PPA2: variants seen among roughly 807,000 people sequenced by gnomAD.
The protein encoded by PPA2 is inorganic pyrophosphatase 2.
In PPA2, 48 loss-of-function variants were observed where a neutral mutation model predicts 49.5. That is an observed-to-expected ratio of 0.97 (90% CI 0.77 to 1.23). The LOEUF is 1.23. Ranked by LOEUF, PPA2 falls within the 50% of genes most tolerant of loss-of-function variation. The pLI is 0.00. For missense variants in PPA2, 429 were observed against 410.1 expected, an observed-to-expected ratio of 1.05 and a Z score of -0.40; for synonymous variants, 131 against 139.9, an observed-to-expected ratio of 0.94 and a Z score of 0.45.
chr4:105,473,575 G>A (rs771324616), intron 1 of PPA2: 5 of 549,518 alleles, frequency 9.1e-6, no homozygotes, highest in East Asian at 4.2e-5. Flanking sequence ...GCAGGCCGCC[G>A]CGGGGTGGCC....
intron 1 of PPA2, among the ~76,000 whole-genome samples, chr4:105,457,291 T>C (rs755538932): frequency 1.3e-5 from 2 of 152,212 alleles, no homozygotes; most frequent in Non-Finnish European, 2.9e-5. Flanking sequence ...GAAACTATCT[T>C]ACCTTAAAAG....
intron 9 of PPA2, 51 bp from the exon 10 acceptor site, chr4:105,386,687 T>G: frequency 6.5e-7 from 1 of 1,531,488 alleles, no homozygotes; most frequent in Non-Finnish European, 9.0e-7. Context: ...AAGAAACAAT[T>G]ACCAAAAAAA....
chr4:105,441,293 A>T (rs1263203534), intron 5 of PPA2, among the ~76,000 whole-genome samples: 2 of 152,212 alleles, frequency 1.3e-5, no homozygotes, highest in Non-Finnish European at 2.9e-5. Flanking sequence ...GGTTGAAGAT[A>T]TGAACAGGTA....
intron 7 of PPA2, among the ~76,000 whole-genome samples, chr4:105,414,474 G>A (rs1006486715): frequency 2.6e-5 from 4 of 152,256 alleles, no homozygotes; most frequent in African/African-American, 9.6e-5. Context: ...CAGGTATGGA[G>A]TGGCAAAGGG....
At chr4:105,400,178 G>C (rs1734303504) in intron 7 of PPA2, among the ~76,000 whole-genome samples, 1 of 152,026 alleles carries the variant, frequency 6.6e-6, no homozygotes, top group Admixed American at 6.6e-5. Context: ...ATATTTATTA[G>C]AGCATATTAA....
At chr4:105,462,419 G>A (rs1458384029) in intron 1 of PPA2, among the ~76,000 whole-genome samples, 1 of 152,122 alleles carries the variant, frequency 6.6e-6, no homozygotes, top group Non-Finnish European at 1.5e-5. Context: ...GTCCATGACT[G>A]AAAAAATAAT....
chr4:105,375,582 G>A (rs767996091), intron 10 of PPA2, among the ~76,000 whole-genome samples: 3 of 152,108 alleles, frequency 2.0e-5, no homozygotes, highest in Non-Finnish European at 2.9e-5. Flanking sequence ...CGTGCCCATA[G>A]AGGGAAGTAT....
At chr4:105,400,582 A>G (rs1289314182) in intron 7 of PPA2, among the ~76,000 whole-genome samples, 1 of 152,188 alleles carries the variant, frequency 6.6e-6, no homozygotes, top group Non-Finnish European at 1.5e-5. Context: ...GTAGTCAGCC[A>G]AGATCACGCC....
chr4:105,375,105 G>A (rs1428475626), intron 10 of PPA2, among the ~76,000 whole-genome samples: 1 of 151,560 alleles, frequency 6.6e-6, no homozygotes, highest in Non-Finnish European at 1.5e-5. Context: ...AACAATATAG[G>A]TTCAATTCTT....
At position 105,452,165 on chromosome 4, in the gene PPA2, A is replaced by C. The variant is rs115281890; in HGVS notation, c.267+1433T>G. ...CATGGGGAAAAGACAGGAAGAAATC[A>C]CTCTTCTTTCCTCTCTAATCCTGAA... On this transcript the variant is annotated intron_variant, in intron 3 of 11. Coordinates refer to ENST00000341695, the MANE Select transcript of PPA2 (RefSeq NM_176869.3). 9.7e-3 allele frequency among the ~76,000 whole-genome samples: 1,480 copies of C among 152,260 alleles called. 30 individuals are homozygous for C. Among genetic ancestry groups the C allele is most frequent in the African/African-American group, 0.034 (1,402 of 41,538 alleles).
At chr4:105,424,158 C>G in intron 7 of PPA2, 38 bp downstream of exon 7, 1 of 1,587,374 alleles carries the variant, frequency 6.3e-7, no homozygotes, top group Middle Eastern at 1.7e-4. Context: ...CAATGACACA[C>G]TAATTTGCTT....
chr4:105,403,322 A>G (rs2726509), intron 7 of PPA2, among the ~76,000 whole-genome samples: 56,531 of 151,736 alleles, frequency 0.37, 12,425 homozygotes, highest in East Asian at 0.67. Flanking sequence ...TGGGATTACA[A>G]GTGTGAGCCA....
chr4:105,391,570 A>G (rs1733923435), intron 9 of PPA2, among the ~76,000 whole-genome samples: 1 of 152,104 alleles, frequency 6.6e-6, no homozygotes, highest in Admixed American at 6.6e-5. Flanking sequence ...TTCTACATAG[A>G]GGTATGTACA....
At chr4:105,453,777 C>T (rs1722763527) in intron 2 of PPA2, 135 bp from the exon 3 acceptor site, 1 of 550,404 alleles carries the variant, frequency 1.8e-6, no homozygotes, top group Non-Finnish European at 3.1e-6. Context: ...AACAGAGAAC[C>T]TACCAAATGC....
chr4:105,459,806 A>C (rs991326000), intron 1 of PPA2, among the ~76,000 whole-genome samples: 22 of 152,240 alleles, frequency 1.4e-4, no homozygotes, highest in African/African-American at 4.8e-4. Flanking sequence ...TATCAAGCGA[A>C]AGAAGCTCAA....
chr4:105,415,711 C>T (rs1722978357), intron 7 of PPA2, among the ~76,000 whole-genome samples: 1 of 152,214 alleles, frequency 6.6e-6, no homozygotes, highest in African/African-American at 2.4e-5. Flanking sequence ...GTGGAGTGTG[C>T]AGCCTTGGCT....
At chr4:105,405,743 T>G (rs575930118) in intron 7 of PPA2, 1 of 726,366 alleles carries the variant, frequency 1.4e-6, no homozygotes, top group South Asian at 1.6e-5. Flanking sequence ...ATAAACAGAT[T>G]AACATCAAAA....
At chr4:105,378,301 A>G (rs1733339439) in intron 10 of PPA2, among the ~76,000 whole-genome samples, 1 of 152,154 alleles carries the variant, frequency 6.6e-6, no homozygotes, top group African/African-American at 2.4e-5. Flanking sequence ...AAAGTTGAGC[A>G]TCACTTCATG....
At chr4:105,439,726 T>C (rs913797584) in intron 5 of PPA2, among the ~76,000 whole-genome samples, 8 of 152,100 alleles carry the variant, frequency 5.3e-5, no homozygotes, top group Non-Finnish European at 1.2e-4. Flanking sequence ...AGGGTACATG[T>C]GCATAACGTG....
Sources: gnomAD v4.1 joint callset for allele counts (sites outside exome capture counted in the v4.1 genomes callset) on GRCh38, gnomAD v4.1.1 for gene constraint, MANE v1.5 for transcripts, NCBI Gene and HGNC (gene_info 2026-07-23, HGNC 2026-07-21) for gene names.